Variants in EPB41L4A observed in about 807,000 individuals in gnomAD.
The protein encoded by EPB41L4A is erythrocyte membrane protein band 4.1 like 4A, also known as band 4.1-like protein 4A.
In EPB41L4A, 100 loss-of-function variants were observed where a neutral mutation model predicts 108.6. The ratio of observed to expected loss-of-function variants is 0.92; its 90% confidence interval spans 0.78 to 1.09. EPB41L4A has a LOEUF of 1.09. Among genes scored for constraint, EPB41L4A ranks in the 50% least tolerant of loss-of-function variants. The pLI is 0.00. For missense variants in EPB41L4A, 1,030 were observed against 842.7 expected (o/e 1.22, Z -2.75); for synonymous variants, 319 against 289.0 (o/e 1.10, Z -1.05).
At chr5:112,237,434 CTT>C (rs1276582595) in intron 11 of EPB41L4A, among the ~76,000 whole-genome samples, 1 of 152,160 alleles carries the variant, frequency 6.6e-6, no homozygotes, top group Non-Finnish European at 1.5e-5. Flanking sequence ...GACTAGAACT[CTT>C]GTCTTCCTCC....
chr5:112,419,024 C>G lies in EPB41L4A; in HGVS notation c.16G>C (p.Ala6Pro), dbSNP rs1474446883. The G allele has an allele frequency of 2.5e-6, 4 of 1,613,354 alleles. No individual in the cohort carries two copies. The highest frequency in any genetic ancestry group is 2.2e-5 in the East Asian group (1 of 44,810). ...TCGCAGTAAAATTCTTCCGGAACAG[C>G]GCAGAAACAGCCCATGTCGGTTGTG... MGCFC[A>P]VPEEFYCEVL... Residue 6 changes from alanine to proline, a missense_variant, in exon 1 of 23, where the codon GCT (alanine) becomes CCT (proline). Physicochemically the swap from Ala to Pro is conservative, Grantham distance 27 (BLOSUM62 -1). Transcript: ENST00000261486.
At chr5:112,155,680 C>G (rs1759621937) in intron 12 of EPB41L4A, among the ~76,000 whole-genome samples, 1 of 152,004 alleles carries the variant, frequency 6.6e-6, no homozygotes, top group Admixed American at 6.6e-5. Context: ...GCAAAACAAG[C>G]AGAAAAGCAA....
At chr5:112,189,441 T>C (rs1282355279) in intron 17 of EPB41L4A, among the ~76,000 whole-genome samples, 2 of 152,214 alleles carry the variant, frequency 1.3e-5, no homozygotes, top group Non-Finnish European at 2.9e-5. Flanking sequence ...GTGGGTTCAA[T>C]TTCATAGTAC....
In EPB41L4A at chr5:112,374,841, C is replaced by G. The variant is rs1426871253; in HGVS notation, c.99+44100G>C. ...CTACTAAAAGAGGGGCCAAGTCTAT[C>G]CTGTGGCCTTTCACATTTCCCCACC... On this transcript the variant is annotated intron_variant, in intron 1 of 22. Transcript: ENST00000261486. Among the ~76,000 whole-genome samples, 3 of 152,208 alleles carry G rather than the reference C, an allele frequency of 2.0e-5. No individual in the cohort carries two copies. The East Asian group carries it at 5.8e-4, about 29-fold the overall frequency.
chr5:112,302,318 C>A (rs905185298), intron 2 of EPB41L4A, among the ~76,000 whole-genome samples: 7 of 152,034 alleles, frequency 4.6e-5, no homozygotes, highest in African/African-American at 1.7e-4. Context: ...CCAGCCTAAG[C>A]AACATAGTGT....
chr5:112,211,088 A>G (rs939195048), intron 12 of EPB41L4A, among the ~76,000 whole-genome samples: 1 of 152,186 alleles, frequency 6.6e-6, no homozygotes, highest in African/African-American at 2.4e-5. Context: ...GTAGATATCA[A>G]TGTTATCTCA....
At chr5:112,142,416 T>C (rs1304797621), downstream of EPB41L4A, 1 of 152,242 alleles carries the variant, frequency 6.6e-6, no homozygotes, top group African/African-American at 2.4e-5. Context: ...CATCTGGTAA[T>C]TCAAATGATA....
chr5:112,324,337 G>A (rs1487364343), intron 1 of EPB41L4A, among the ~76,000 whole-genome samples: 1 of 152,116 alleles, frequency 6.6e-6, no homozygotes, highest in Non-Finnish European at 1.5e-5. Flanking sequence ...ACCACAGTAG[G>A]ATTTTTTAAA....
At chr5:112,276,383 T>A (rs1362652646) in intron 3 of EPB41L4A, among the ~76,000 whole-genome samples, 1 of 152,194 alleles carries the variant, frequency 6.6e-6, no homozygotes, top group Non-Finnish European at 1.5e-5. Flanking sequence ...GCTGAACACA[T>A]TATATTATGC....
intron 2 of EPB41L4A, among the ~76,000 whole-genome samples, chr5:112,283,704 T>C (rs1026207043): frequency 1.3e-5 from 2 of 152,174 alleles, no homozygotes; most frequent in Non-Finnish European, 2.9e-5. Flanking sequence ...ACATGACATG[T>C]CAGACACTGT....
At chr5:112,228,231 G>C (rs946000334) in intron 12 of EPB41L4A, 1 of 152,198 alleles carries the variant, frequency 6.6e-6, no homozygotes, top group Non-Finnish European at 1.5e-5. Context: ...TTAATTGCTA[G>C]TATTTCAAAT....
At chr5:112,275,950 A>C (rs545408684) in intron 3 of EPB41L4A, among the ~76,000 whole-genome samples, 1 of 152,268 alleles carries the variant, frequency 6.6e-6, no homozygotes, top group South Asian at 2.1e-4. Context: ...CGAGCACAGA[A>C]ATATCATACC....
chr5:112,180,854 G>A (rs1168804731), intron 18 of EPB41L4A, among the ~76,000 whole-genome samples: 2 of 151,924 alleles, frequency 1.3e-5, no homozygotes, highest in Non-Finnish European at 2.9e-5. Context: ...ACCTACAAAT[G>A]AATAAGAAAA....
intron 1 of EPB41L4A, among the ~76,000 whole-genome samples, chr5:112,392,203 G>C (rs2112678994): frequency 6.6e-6 from 1 of 152,112 alleles, no homozygotes; most frequent in East Asian, 1.9e-4. Flanking sequence ...CATAATGACA[G>C]AATCAAATTC....
chr5:112,303,688 A>T (rs2150570915), intron 2 of EPB41L4A, among the ~76,000 whole-genome samples: 1 of 152,316 alleles, frequency 6.6e-6, no homozygotes, highest in East Asian at 1.9e-4. Flanking sequence ...GGACTGACAG[A>T]GTCTCTTGGA....
intron 1 of EPB41L4A, among the ~76,000 whole-genome samples, chr5:112,320,607 A>C (rs1755711654): frequency 6.6e-6 from 1 of 152,192 alleles, no homozygotes; most frequent in Non-Finnish European, 1.5e-5. Flanking sequence ...CACATGAGAG[A>C]TAAAAGCTCT....
intron 9 of EPB41L4A, among the ~76,000 whole-genome samples, chr5:112,253,392 T>G (rs1750833238): frequency 6.6e-6 from 1 of 152,168 alleles, no homozygotes; most frequent in South Asian, 2.1e-4. Flanking sequence ...GGTATAACTG[T>G]ATTCTTTTAA....
intron 6 of EPB41L4A, chr5:112,264,077 T>G (rs12652766): frequency 0.22 from 33,623 of 152,118 alleles, 3,847 homozygotes; most frequent in East Asian, 0.27. Context: ...CCTCCCAAAG[T>G]GCTGGGATTG....
At chr5:112,262,155 G>A (rs1177271844) in intron 7 of EPB41L4A, among the ~76,000 whole-genome samples, 1 of 152,108 alleles carries the variant, frequency 6.6e-6, no homozygotes, top group African/African-American at 2.4e-5. Flanking sequence ...GCCTCCCCAA[G>A]TGCTGGGATT....
Sources: gnomAD v4.1 joint callset for allele counts (sites outside exome capture counted in the v4.1 genomes callset) on GRCh38, gnomAD v4.1.1 for gene constraint, MANE v1.5 for transcripts, NCBI Gene and HGNC (gene_info 2026-07-23, HGNC 2026-07-21) for gene names.